Variants in FAT4 observed in about 807,000 individuals in gnomAD.
FAT4 encodes FAT atypical cadherin 4.
In FAT4, 84 loss-of-function variants were observed where a neutral mutation model predicts 303.9. The ratio of observed to expected loss-of-function variants is 0.28; its 90% confidence interval spans 0.23 to 0.33. The LOEUF (loss-of-function observed/expected upper bound fraction) is 0.33, where lower values mean the gene tolerates loss of function less well. Ranked by LOEUF, FAT4 falls within the 10% of genes least tolerant of loss-of-function variation. FAT4 has a pLI of 1.00. For missense variants in FAT4, 6,005 were observed against 6,146.8 expected, an observed-to-expected ratio of 0.98 and a Z score of 0.77; for synonymous variants, 2,307 against 2,298.8, an observed-to-expected ratio of 1.00 and a Z score of -0.10.
intron 14 of FAT4, among the ~76,000 whole-genome samples, chr4:125,479,170 A>G (rs1727136044): frequency 1.3e-5 from 2 of 152,146 alleles, no homozygotes; most frequent in Non-Finnish European, 2.9e-5. Flanking sequence ...AGATTAATTC[A>G]CTGCCTAATC....
chr4:125,431,792 T>C (rs1283147353), intron 7 of FAT4, among the ~76,000 whole-genome samples: 2 of 152,098 alleles, frequency 1.3e-5, no homozygotes, highest in Non-Finnish European at 2.9e-5. Flanking sequence ...CCTCTTTCAG[T>C]TTCTCTCTCT....
At chr4:125,407,273 T>C in intron 4 of FAT4, 132 bp downstream of exon 4, 3 of 796,530 alleles carry the variant, frequency 3.8e-6, no homozygotes, top group South Asian at 4.1e-5. Context: ...ATATATATGC[T>C]GGATTGTTGG....
chr4:125,406,859 A>G, intron 3 of FAT4, 21 bp from the exon 4 acceptor site: 1 of 1,608,864 alleles, frequency 6.2e-7, no homozygotes, highest in African/African-American at 1.3e-5. Context: ...AATAGCTCAG[A>G]TGCTTGGTCT....
rs1730671119 is a variant in FAT4 at position 125,317,565 on chromosome 4, C to G, written c.1154C>G (p.Ala385Gly). ...GTGGCTCTGCTCACCGTGACGGACG[C>G]AGATTCTCCCGCGGCCAACGGGAAC... ...TVVALLTVTD[A>G]DSPAANGNIS... Residue 385 changes from alanine (A) to glycine (G), a missense_variant, in exon 2 of 18, where the codon GCA becomes GGA. Ala to Gly is a moderately conservative substitution (Grantham distance 60, BLOSUM62 0). Transcript: ENST00000394329. The surrounding 1 kb of genome is among the most constrained non-coding windows in gnomAD (Gnocchi z 7.0). 2 of 1,613,802 alleles carry G rather than the reference C, an allele frequency of 1.2e-6. No individual in the cohort carries two copies. The highest frequency in any genetic ancestry group is 2.7e-5 in the African/African-American group (2 of 74,912).
chr4:125,394,584 G>T, intron 2 of FAT4, among the ~76,000 whole-genome samples: 1 of 152,072 alleles, frequency 6.6e-6, no homozygotes, highest in East Asian at 1.9e-4. Flanking sequence ...AAATAAAAGG[G>T]TTTTAAGAAT....
chr4:125,483,501 CA>C (rs1456223245), intron 16 of FAT4, among the ~76,000 whole-genome samples: 1 of 152,122 alleles, frequency 6.6e-6, no homozygotes, highest in African/African-American at 2.4e-5. Context: ...ATCAGAGACA[CA>C]TTTTTTTCTT....
rs1730667393 is a variant in FAT4, at chr4:125,317,503, C to T, written c.1092C>T (p.Tyr364=). The change falls in exon 2 of 18, where the codon TAC becomes TAT. Residue 364 remains tyrosine, a synonymous_variant. Transcript: ENST00000394329. The surrounding 1 kb of genome is among the most constrained non-coding windows in gnomAD (Gnocchi z 7.0). ...GCTACTTCCCGGCCACCTCGCGCTA[C>T]GCCTCGGTAGATGAGAATGCTCAAG... is the stretch of plus-strand genomic sequence containing the variant. ...KFRYFPATSR[Y]ASVDENAQVG... The T allele has an allele frequency of 2.5e-6, 4 of 1,613,816 alleles. No homozygotes were observed. The highest frequency in any genetic ancestry group is 1.7e-6 in the Non-Finnish European group (2 of 1,180,030).
Position 125,319,686 on chromosome 4 carries a change from A to T in FAT4, c.3275A>T (p.Asp1092Val). Residue 1092 changes from aspartate to valine, a missense_variant, in exon 2 of 18, where the codon GAT (aspartate) becomes GTT (valine). By Grantham distance (152) the Asp-to-Val change is radical. Coordinates refer to ENST00000394329, the MANE Select transcript of FAT4 (RefSeq NM_001291303.3). ...GTGAATGTTACTGTAATTTTAGAAG[A>T]TGTAAATGATAACAGACCTCTTTTT... is the stretch of plus-strand genomic sequence containing the variant. ...ATVNVTVILE[D>V]VNDNRPLFNS... 1.9e-6 allele frequency: 3 copies of T among 1,614,112 alleles called. No individual in the cohort carries two copies. Among genetic ancestry groups the T allele is most frequent in the Non-Finnish European group, 2.5e-6 (3 of 1,179,944 alleles).
At chr4:125,456,623 A>G (rs1414924409) in intron 10 of FAT4, among the ~76,000 whole-genome samples, 1 of 152,198 alleles carries the variant, frequency 6.6e-6, no homozygotes, top group African/African-American at 2.4e-5. Context: ...TAAATTAGAA[A>G]TGTATTGCTT....
Position 125,321,196 on chromosome 4 carries a change from G to C in FAT4, c.4785G>C (p.Leu1595Phe). The C allele has an allele frequency of 6.2e-7, 1 of 1,614,142 alleles. No individual in the cohort carries two copies. Among genetic ancestry groups the C allele is most frequent in the Non-Finnish European group, 8.5e-7 (1 of 1,180,006 alleles). The change falls in exon 2 of 18, where the codon TTG (leucine) becomes TTC (phenylalanine). Residue 1595 changes from leucine to phenylalanine, a missense_variant. Physicochemically the swap from Leu to Phe is conservative, Grantham distance 22 (BLOSUM62 0). Transcript: ENST00000394329. ...CTTCAGCGTTGGTGCCTTCACAGTT[G>C]ATCTACAATCTCATAGTTTCAGCAA... ...RVASALVPSQ[L>F]IYNLIVSATD...
chr4:125,482,635 C>T (rs956768931), intron 16 of FAT4, among the ~76,000 whole-genome samples: 4 of 151,980 alleles, frequency 2.6e-5, no homozygotes, highest in Admixed American at 1.3e-4. Context: ...ATCCAGATTT[C>T]CTGAATTATT....
intron 4 of FAT4, 124 bp downstream of exon 4, chr4:125,407,265 A>G (rs2126019995): frequency 5.9e-6 from 5 of 852,878 alleles, no homozygotes; most frequent in East Asian, 2.6e-5. Flanking sequence ...TTATAAAAAT[A>G]TATATGCTGG....
chr4:125,407,205 T>C, intron 4 of FAT4, 64 bp downstream of exon 4: 1 of 1,421,232 alleles, frequency 7.0e-7, no homozygotes, highest in Non-Finnish European at 9.7e-7. Flanking sequence ...TTACATACTA[T>C]GTTTCGGCTG....
chr4:125,389,035 T>C (rs1288807239), intron 2 of FAT4, among the ~76,000 whole-genome samples: 2 of 152,204 alleles, frequency 1.3e-5, no homozygotes, highest in African/African-American at 2.4e-5. Context: ...GTCACAGTTA[T>C]ATACATGTAG....
chr4:125,473,597 TAA>T (rs1726932274), intron 12 of FAT4, among the ~76,000 whole-genome samples: 2 of 151,938 alleles, frequency 1.3e-5, no homozygotes, highest in African/African-American at 4.8e-5. Context: ...AACTGATGAG[TAA>T]TAGTAGACAT....
At chr4:125,414,000 C>T (rs1424261516) in intron 5 of FAT4, among the ~76,000 whole-genome samples, 1 of 151,868 alleles carries the variant, frequency 6.6e-6, no homozygotes, top group Non-Finnish European at 1.5e-5. Flanking sequence ...GTAATTTTTC[C>T]AATGTCATTA....
At chr4:125,435,985 C>T (rs1725435775) in intron 8 of FAT4, among the ~76,000 whole-genome samples, 1 of 145,044 alleles carries the variant, frequency 6.9e-6, no homozygotes, top group Non-Finnish European at 1.5e-5. Flanking sequence ...TTGGGGCATA[C>T]CTTTGAAATT....
intron 2 of FAT4, among the ~76,000 whole-genome samples, chr4:125,385,026 T>TATATATA (rs1560790810): frequency 7.6e-5 from 4 of 52,896 alleles, no homozygotes; most frequent in African/African-American, 1.6e-4. Flanking sequence ...ATATATATAT[T>TATATATA]TTTTTTTTTT....
In FAT4 at chr4:125,346,785, G is replaced by C. The variant is rs1732019934; in HGVS notation, c.5175+25199G>C. Among the ~76,000 whole-genome samples, 6 of 151,974 alleles carry C rather than the reference G, an allele frequency of 3.9e-5. No homozygotes were observed. The South Asian group carries it at 1.2e-3, about 32-fold the overall frequency. ...GCATATTCAGAGGCCAAACAACCTGGTATTGACAGCCTCAATTTGGGAGGG... is the reference window on the plus strand; with the variant it reads ...GCATATTCAGAGGCCAAACAACCTGCTATTGACAGCCTCAATTTGGGAGGG... On this transcript the variant is annotated intron_variant, in intron 2 of 17. Transcript: ENST00000394329.
Sources: allele counts gnomAD v4.1 joint callset (sites outside exome capture counted in the v4.1 genomes callset), GRCh38; gene constraint gnomAD v4.1.1; non-coding constraint Gnocchi (gnomAD v3.1); transcripts MANE v1.5; gene names NCBI Gene and HGNC (gene_info 2026-07-23, HGNC 2026-07-21).